SLC2A14: variants seen among roughly 807,000 people sequenced by gnomAD.
SLC2A14 encodes solute carrier family 2 member 14, also known as solute carrier family 2, facilitated glucose transporter member 14.
Under a neutral mutation model 43.0 loss-of-function variants are expected in SLC2A14, and 13 were observed. The ratio of observed to expected loss-of-function variants is 0.30; its 90% CI spans 0.20 to 0.48. SLC2A14 has a LOEUF of 0.48. Ranked by LOEUF, SLC2A14 falls within the 20% of genes least tolerant of loss-of-function variation. The probability of loss-of-function intolerance (pLI) is 0.99; values close to 1 mark genes in which losing one functional copy is unlikely to be tolerated. For missense variants in SLC2A14, 428 were observed against 620.4 expected, an observed-to-expected ratio of 0.69 and a Z score of 3.29; for synonymous variants, 190 against 233.8, an observed-to-expected ratio of 0.81 and a Z score of 1.71.
At chr12:7,882,188 A>G (rs931532837) in intron 1 of SLC2A14, among the ~76,000 whole-genome samples, 10 of 152,030 alleles carry the variant, frequency 6.6e-5, no homozygotes, top group African/African-American at 2.4e-4. Flanking sequence ...GAAAGTCTGT[A>G]GCTTTACTTT....
intron 2 of SLC2A14, among the ~76,000 whole-genome samples, chr12:7,869,524 C>T (rs758427141): frequency 1.3e-5 from 2 of 152,264 alleles, no homozygotes; most frequent in South Asian, 4.2e-4. Flanking sequence ...CGTATATAGC[C>T]ATGGTTCTTT....
At chr12:7,825,333 G>A (rs1023062937) in intron 7 of SLC2A14, among the ~76,000 whole-genome samples, 9 of 150,274 alleles carry the variant, frequency 6.0e-5, no homozygotes, top group Non-Finnish European at 1.2e-4. Context: ...GGTGTCGGCC[G>A]CCTGTAATTC....
chr12:7,825,472 AG>A (rs1451416505), intron 7 of SLC2A14, among the ~76,000 whole-genome samples: 2,908 of 116,342 alleles, frequency 0.025, 131 homozygotes, highest in Non-Finnish European at 0.04. Context: ...AAAAAAAAAA[AG>A]AAAGAGCAAG....
intron 2 of SLC2A14, among the ~76,000 whole-genome samples, chr12:7,863,930 G>A (rs976627782): frequency 1.7e-4 from 26 of 151,172 alleles, no homozygotes; most frequent in African/African-American, 5.6e-4. Flanking sequence ...ATTCTCCCGC[G>A]TCAGCCTCCC....
intron 1 of SLC2A14, among the ~76,000 whole-genome samples, chr12:7,882,502 G>A (rs1185336674): frequency 2.0e-5 from 3 of 152,100 alleles, no homozygotes; most frequent in South Asian, 4.2e-4. Context: ...CCTGGGCAAC[G>A]GAGCGAAACT....
At chr12:7,826,878 TTTCTTTC>T (rs1864448873) in intron 7 of SLC2A14, among the ~76,000 whole-genome samples, 1 of 38,226 alleles carries the variant, frequency 2.6e-5, no homozygotes, top group Non-Finnish European at 5.2e-5. Context: ...TCTTTCTTTC[TTTCTTTC>T]TTTCTTTCTT....
At chr12:7,891,134 C>A in exon 1 of SLC2A14, 1 of 1,531,988 alleles carries the variant, frequency 6.5e-7, no homozygotes, top group Non-Finnish European at 8.7e-7. Flanking sequence ...GCATTGTGAA[C>A]AAAAGTCAGG....
chr12:7,857,645 A>G (rs1267724570), intron 2 of SLC2A14, among the ~76,000 whole-genome samples: 2 of 152,094 alleles, frequency 1.3e-5, no homozygotes, highest in African/African-American at 4.8e-5. Context: ...AGTTCTCTTG[A>G]TCTTACCTTC....
chr12:7,845,957 G>A (rs769828313), intron 2 of SLC2A14, among the ~76,000 whole-genome samples: 3 of 151,912 alleles, frequency 2.0e-5, no homozygotes, highest in Admixed American at 2.0e-4. Flanking sequence ...GCTGGGCGTG[G>A]TGGTGCATGC....
intron 2 of SLC2A14, chr12:7,856,570 T>C (rs763921854): frequency 6.6e-6 from 1 of 152,308 alleles, no homozygotes; most frequent in South Asian, 2.1e-4. Context: ...TGTTAAACTT[T>C]TACTGTGGTG....
chr12:7,870,033 C>A (rs1945140040), intron 1 of SLC2A14, 96 bp from the exon 2 acceptor site: 5 of 573,420 alleles, frequency 8.7e-6, no homozygotes, highest in African/African-American at 1.9e-5. Flanking sequence ...AATGGACACT[C>A]CAATAAATAC....
chr12:7,842,485 A>C (rs1236866269), intron 2 of SLC2A14, among the ~76,000 whole-genome samples: 1 of 152,222 alleles, frequency 6.6e-6, no homozygotes, highest in Non-Finnish European at 1.5e-5. Flanking sequence ...GACTTCTTCT[A>C]TACAAGTGCC....
At position 7,872,786 on chromosome 12, in the gene SLC2A14, G is replaced by A. The variant is rs1945310473; in HGVS notation, c.-58+21C>T. ...CTCATTCCCGCACCCCCCGGCCGCA[G>A]GGACGGCGCGGCGCACCCACCTCCC... On this transcript the variant is annotated intron_variant, in intron 1 of 10. Coordinates refer to ENST00000431042, the MANE Select transcript of SLC2A14 (RefSeq NM_001286234.2). The A allele has an allele frequency of 2.2e-5, 22 of 985,516 alleles. No homozygotes were observed. The South Asian group carries it at 9.9e-4, about 44-fold the overall frequency. 61.0% of individuals were successfully genotyped at this position (985,516 alleles called of 1,614,324 possible).
At chr12:7,858,611 T>C (rs938859448) in intron 2 of SLC2A14, among the ~76,000 whole-genome samples, 4 of 152,166 alleles carry the variant, frequency 2.6e-5, no homozygotes, top group African/African-American at 9.7e-5. Flanking sequence ...GCGATTCTCC[T>C]GCCTCAGCCT....
intron 10 of SLC2A14, among the ~76,000 whole-genome samples, chr12:7,817,020 T>G (rs1178405863): frequency 6.6e-6 from 1 of 152,118 alleles, no homozygotes; most frequent in African/African-American, 2.4e-5. Context: ...AATTTAAAAC[T>G]TATGATTTGT....
At chr12:7,848,956 G>A (rs1345162794) in intron 2 of SLC2A14, among the ~76,000 whole-genome samples, 1 of 151,074 alleles carries the variant, frequency 6.6e-6, no homozygotes, top group East Asian at 2.0e-4. Flanking sequence ...CCGGGTTCAA[G>A]TGATTCTCCT....
At chr12:7,859,586 C>T (rs1340791526) in intron 2 of SLC2A14, among the ~76,000 whole-genome samples, 1 of 152,060 alleles carries the variant, frequency 6.6e-6, no homozygotes, top group Admixed American at 6.6e-5. Context: ...AACTGAGGGC[C>T]AGTTGTCTCC....
intron 2 of SLC2A14, among the ~76,000 whole-genome samples, chr12:7,846,520 G>T (rs1368961707): frequency 6.6e-6 from 1 of 151,788 alleles, no homozygotes; most frequent in Non-Finnish European, 1.5e-5. Context: ...TTTTCTAAGG[G>T]CATTCCAAGT....
intron 1 of SLC2A14, chr12:7,871,495 G>T (rs1327760635): frequency 6.1e-6 from 1 of 164,982 alleles, no homozygotes; most frequent in Non-Finnish European, 1.3e-5. Context: ...TCCCTTTGAG[G>T]GCTTCGGGTC....
Sources: allele counts gnomAD v4.1 joint callset (sites outside exome capture counted in the v4.1 genomes callset), GRCh38; gene constraint gnomAD v4.1.1; transcripts MANE v1.5; gene names NCBI Gene and HGNC (gene_info 2026-07-23, HGNC 2026-07-21).